EPB41L4A: variants seen among roughly 807,000 people sequenced by gnomAD.
EPB41L4A encodes the protein band 4.1-like protein 4A.
EPB41L4A carries 100 observed loss-of-function variants against 108.6 expected under a neutral mutation model. That is an observed-to-expected ratio of 0.92 (90% CI 0.78 to 1.09). The LOEUF is 1.09. EPB41L4A is among the 50% of genes least tolerant of loss of function. The pLI, the probability that EPB41L4A is intolerant of heterozygous loss-of-function variation, is 0.00. For missense variants in EPB41L4A, 1,030 were observed against 842.7 expected (o/e 1.22, Z -2.75); for synonymous variants, 319 against 289.0 (o/e 1.10, Z -1.05).
chr5:112,244,563 T>C (rs183313268), intron 9 of EPB41L4A, among the ~76,000 whole-genome samples: 1 of 152,188 alleles, frequency 6.6e-6, no homozygotes, highest in East Asian at 1.9e-4. Context: ...CAGAAGGCGG[T>C]GTCTGATTTA....
In EPB41L4A at chr5:112,186,074, T is replaced by C. The variant is rs183691708; in HGVS notation, c.1503-1939A>G. Among the ~76,000 whole-genome samples, 40 of 152,290 alleles carry C rather than the reference T, an allele frequency of 2.6e-4. No individual in the cohort carries two copies. In the East Asian group the frequency reaches 5.4e-3, roughly 21 times the overall value. On this transcript the variant is annotated intron_variant, in intron 17 of 22. Transcript: ENST00000261486. ...CACACCTGGATTGCTGGGCCCAGGA[T>C]TGGACACAAAACTCAGGTCTCCTAA...
At chr5:112,359,711 T>C (rs930593971) in intron 1 of EPB41L4A, among the ~76,000 whole-genome samples, 2 of 152,092 alleles carry the variant, frequency 1.3e-5, no homozygotes, top group Non-Finnish European at 2.9e-5. Flanking sequence ...CAGCTAATTT[T>C]TTGTATTTTT....
intron 22 of EPB41L4A, among the ~76,000 whole-genome samples, chr5:112,167,780 A>G (rs1760340633): frequency 6.6e-6 from 1 of 152,064 alleles, no homozygotes. Context: ...GCAGATCTCC[A>G]TTTCAGAATC....
At chr5:112,258,927 C>A (rs1751301510) in intron 9 of EPB41L4A, among the ~76,000 whole-genome samples, 1 of 152,116 alleles carries the variant, frequency 6.6e-6, no homozygotes, top group African/African-American at 2.4e-5. Flanking sequence ...TACCTTCTAC[C>A]CTCACAGAGA....
chr5:112,188,293 C>T (rs2150246429), intron 17 of EPB41L4A, among the ~76,000 whole-genome samples: 1 of 152,152 alleles, frequency 6.6e-6, no homozygotes, highest in Middle Eastern at 3.4e-3. Context: ...TCCCTTAAGA[C>T]CAGCAAGCAA....
intron 9 of EPB41L4A, among the ~76,000 whole-genome samples, chr5:112,247,873 C>T (rs1166271767): frequency 2.0e-5 from 3 of 152,074 alleles, no homozygotes; most frequent in Admixed American, 1.3e-4. Flanking sequence ...AAGTACAGAC[C>T]TTATCACAGG....
At chr5:112,231,382 TAA>T (rs1209335967) in intron 12 of EPB41L4A, among the ~76,000 whole-genome samples, 1 of 152,260 alleles carries the variant, frequency 6.6e-6, no homozygotes, top group South Asian at 2.1e-4. Flanking sequence ...GAGTTGAATA[TAA>T]AAGTTTTTTT....
chr5:112,210,615 T>C (rs1762690363), intron 12 of EPB41L4A, among the ~76,000 whole-genome samples: 2 of 152,284 alleles, frequency 1.3e-5, no homozygotes, highest in South Asian at 2.1e-4. Flanking sequence ...AGGGAGCCCA[T>C]GGCAGACACA....
At chr5:112,166,620 G>A (rs939927476) in intron 22 of EPB41L4A, among the ~76,000 whole-genome samples, 4 of 152,120 alleles carry the variant, frequency 2.6e-5, no homozygotes, top group Non-Finnish European at 4.4e-5. Context: ...AGGTCACTTT[G>A]TTGCTTCTCT....
chr5:112,323,033 T>C (rs1227157980), intron 1 of EPB41L4A, among the ~76,000 whole-genome samples: 2 of 151,924 alleles, frequency 1.3e-5, no homozygotes, highest in Non-Finnish European at 2.9e-5. Flanking sequence ...AAAGTTTCAA[T>C]AGACAAGATG....
chr5:112,204,352 C>T (rs1239821746), intron 15 of EPB41L4A, 23 bp downstream of exon 15: 9 of 1,520,120 alleles, frequency 5.9e-6, no homozygotes, highest in Non-Finnish European at 7.3e-6. Context: ...AAGCTGCTAA[C>T]AGAGAGATTG....
intron 1 of EPB41L4A, among the ~76,000 whole-genome samples, chr5:112,325,654 AT>A (rs1428338319): frequency 1.6e-4 from 25 of 152,340 alleles, no homozygotes; most frequent in African/African-American, 5.0e-4. Context: ...TGAGGAGGTC[AT>A]TTCAAAGCCA....
chr5:112,198,556 T>C (rs1397997599), intron 15 of EPB41L4A, among the ~76,000 whole-genome samples: 1 of 152,220 alleles, frequency 6.6e-6, no homozygotes, highest in African/African-American at 2.4e-5. Context: ...ATATTCGCTT[T>C]GCTGTTTCTT....
At chr5:112,194,718 TA>T in intron 16 of EPB41L4A, 73 bp from the exon 17 acceptor site, 1 of 936,932 alleles carries the variant, frequency 1.1e-6, no homozygotes, top group Non-Finnish European at 1.6e-6. Context: ...GAAAGGTTTA[TA>T]TGGGTCCTCT....
intron 13 of EPB41L4A, chr5:112,206,168 A>C (rs1762463329): frequency 6.6e-6 from 1 of 152,212 alleles, no homozygotes; most frequent in Non-Finnish European, 1.5e-5. Flanking sequence ...GCCTCCAGGC[A>C]CCAGTGGGGA....
rs115680696 is a variant in EPB41L4A at position 112,371,028 on chromosome 5, G to A, written c.99+47913C>T. On this transcript the variant is annotated intron_variant, in intron 1 of 22. Transcript: ENST00000261486. The stretch of plus-strand genomic sequence containing the variant: ...CACTCATTCGTGCAATACCTTCTAT[G>A]CACTAAGCACTATTTTAGGTGGTGG... 5.4e-3 allele frequency among the ~76,000 whole-genome samples: 817 copies of A among 152,314 alleles called. 11 individuals are homozygous for A. Among genetic ancestry groups the A allele is most frequent in the African/African-American group, 0.018 (767 of 41,576 alleles).
intron 9 of EPB41L4A, among the ~76,000 whole-genome samples, chr5:112,258,192 G>T: frequency 6.6e-6 from 1 of 152,230 alleles, no homozygotes; most frequent in East Asian, 1.9e-4. Context: ...ACAAAGAGTA[G>T]CATCAGGTTT....
At chr5:112,382,864 T>C (rs1760261820) in intron 1 of EPB41L4A, among the ~76,000 whole-genome samples, 1 of 152,248 alleles carries the variant, frequency 6.6e-6, no homozygotes, top group African/African-American at 2.4e-5. Context: ...TCACTGCATC[T>C]ATTATTTGTT....
At chr5:112,314,997 C>A (rs1421493836) in intron 1 of EPB41L4A, among the ~76,000 whole-genome samples, 1 of 152,126 alleles carries the variant, frequency 6.6e-6, no homozygotes, top group Non-Finnish European at 1.5e-5. Context: ...ACTAATGAGA[C>A]ATTTGAGAGA....
Sources: gnomAD v4.1 joint callset for allele counts (sites outside exome capture counted in the v4.1 genomes callset) on GRCh38, gnomAD v4.1.1 for gene constraint, MANE v1.5 for transcripts, NCBI Gene and HGNC (gene_info 2026-07-23, HGNC 2026-07-21) for gene names.